Variants in ZNF536 observed in about 807,000 individuals in gnomAD.
ZNF536 encodes zinc finger protein 536.
A neutral mutation model predicts 84.5 loss-of-function variants in ZNF536; 13 were observed. The observed-to-expected ratio is 0.15, with a 90% CI of 0.10 to 0.24. The LOEUF (loss-of-function observed/expected upper bound fraction) is 0.24, where lower values mean the gene tolerates loss of function less well. ZNF536 is among the 10% of genes least tolerant of loss of function. ZNF536 has a pLI of 1.00. For synonymous variants in ZNF536, 811 were observed against 742.5 expected (o/e 1.09, Z -1.50); for missense variants, 1,536 against 1,747.5 (o/e 0.88, Z 2.16).
intron 1 of ZNF536, among the ~76,000 whole-genome samples, chr19:30,400,932 C>T (rs2050021174): frequency 6.6e-6 from 1 of 152,138 alleles, no homozygotes; most frequent in African/African-American, 2.4e-5. Context: ...GAACCATTTG[C>T]CCAGGACCTA....
intron 1 of ZNF536, among the ~76,000 whole-genome samples, chr19:30,419,301 A>G (rs796263914): frequency 2.6e-5 from 4 of 152,296 alleles, no homozygotes; most frequent in African/African-American, 9.6e-5. Context: ...TGTTTTTCTC[A>G]CTATAAATAG....
chr19:30,558,444 C>G (rs2046045328), downstream of ZNF536, among the ~76,000 whole-genome samples: 1 of 152,142 alleles, frequency 6.6e-6, no homozygotes, highest in Non-Finnish European at 1.5e-5. Flanking sequence ...CCATCATGCC[C>G]CATCCCAGAT....
chr19:30,397,565 A>G (rs535575149), intron 1 of ZNF536, among the ~76,000 whole-genome samples: 1 of 152,334 alleles, frequency 6.6e-6, no homozygotes, highest in East Asian at 1.9e-4. Flanking sequence ...ATCTCAAGAC[A>G]AAAAGCTTAA....
chr19:30,613,976 T>A (rs1333553996), intron 1 of ZNF536, among the ~76,000 whole-genome samples: 7 of 152,140 alleles, frequency 4.6e-5, no homozygotes, highest in Admixed American at 2.6e-4. Flanking sequence ...GATTCTTCTG[T>A]CTCAGCCTCC....
intron 1 of ZNF536, among the ~76,000 whole-genome samples, chr19:30,576,965 T>C (rs1549937): frequency 6.6e-6 from 1 of 152,078 alleles, no homozygotes; most frequent in Non-Finnish European, 1.5e-5. Context: ...TGCCTGGTTT[T>C]ATTTGTTTGG....
At chr19:30,612,933 C>T (rs145408996) in intron 1 of ZNF536, among the ~76,000 whole-genome samples, 2 of 152,236 alleles carry the variant, frequency 1.3e-5, no homozygotes, top group Non-Finnish European at 2.9e-5. Context: ...GCTCCTTAGC[C>T]TCCTCCAACG....
At position 30,605,156 on chromosome 19, in the gene ZNF536, G is replaced by T. The variant is rs906779024; in HGVS notation, c.169+55642G>T. Reference sequence around the variant, plus strand: ...TGCTGTAGGAAGGTAATAGTGGATGGTGCGAAATGCTTTTTTTGTTTGTTT... The same window carrying T: ...TGCTGTAGGAAGGTAATAGTGGATGTTGCGAAATGCTTTTTTTGTTTGTTT... On this transcript the variant is annotated intron_variant, in intron 1 of 1. Coordinates refer to the ZNF536 transcript ENST00000592773. 5.3e-5 allele frequency among the ~76,000 whole-genome samples: 8 copies of T among 152,302 alleles called. No homozygotes were observed. In the East Asian group the frequency reaches 1.5e-3, roughly 29 times the overall value.
chr19:30,609,757 T>TCCACCCACCCATCTAC (rs2048023612), intron 1 of ZNF536, among the ~76,000 whole-genome samples: 2 of 141,448 alleles, frequency 1.4e-5, no homozygotes, highest in Non-Finnish European at 3.0e-5. Flanking sequence ...CATCCACCTA[T>TCCACCCACCCATCTAC]CCATCCACCC....
intron 1 of ZNF536, among the ~76,000 whole-genome samples, chr19:30,251,725 C>T (rs993205862): frequency 1.5e-4 from 23 of 152,066 alleles, no homozygotes; most frequent in Admixed American, 1.2e-3. Context: ...TTTTATTCCT[C>T]ACTCACTTCC....
chr19:30,693,020 G>C (rs1302589342), intron 1 of ZNF536, among the ~76,000 whole-genome samples: 1 of 149,710 alleles, frequency 6.7e-6, no homozygotes, highest in Non-Finnish European at 1.5e-5. Context: ...CAAAACCTGG[G>C]GGGGAGAGAG....
At chr19:30,451,914 A>C (rs978306168) in intron 2 of ZNF536, among the ~76,000 whole-genome samples, 1 of 152,254 alleles carries the variant, frequency 6.6e-6, no homozygotes, top group African/African-American at 2.4e-5. Flanking sequence ...AGCTAAGGAC[A>C]GGTTACAATG....
intron 2 of ZNF536, among the ~76,000 whole-genome samples, chr19:30,339,009 C>T (rs1335242919): frequency 1.3e-5 from 2 of 152,104 alleles, no homozygotes; most frequent in African/African-American, 4.8e-5. Context: ...CTTGGTCCCT[C>T]CTCTTCCTTC....
intron 1 of ZNF536, among the ~76,000 whole-genome samples, chr19:30,589,025 G>A (rs12610312): frequency 0.12 from 18,788 of 152,184 alleles, 1,926 homozygotes; most frequent in East Asian, 0.32. Flanking sequence ...GAGCTGGGGT[G>A]TTTCTGAATG....
intron 1 of ZNF536, among the ~76,000 whole-genome samples, chr19:30,261,661 T>C (rs2025226903): frequency 7.3e-6 from 1 of 136,384 alleles, no homozygotes; most frequent in Non-Finnish European, 1.5e-5. Flanking sequence ...ATCGCACCAC[T>C]GCACTCCAGC....
intron 1 of ZNF536, among the ~76,000 whole-genome samples, chr19:30,709,560 C>A (rs1662012192): frequency 1.3e-5 from 2 of 152,206 alleles, no homozygotes; most frequent in African/African-American, 4.8e-5. Flanking sequence ...GGTCTTTGTG[C>A]AGAATTGGGG....
chr19:30,238,987 A>G (rs957535961), intron 1 of ZNF536, among the ~76,000 whole-genome samples: 1 of 152,194 alleles, frequency 6.6e-6, no homozygotes, highest in South Asian at 2.1e-4. Context: ...ATTCAAGAAG[A>G]GTCACCCAAG....
intron 2 of ZNF536, among the ~76,000 whole-genome samples, chr19:30,299,258 A>G (rs2046102729): frequency 6.6e-6 from 1 of 152,248 alleles, no homozygotes; most frequent in Non-Finnish European, 1.5e-5. Flanking sequence ...TAAATAAGCA[A>G]CATCTGGACA....
intron 2 of ZNF536, among the ~76,000 whole-genome samples, chr19:30,487,456 G>C (rs1034599008): frequency 6.6e-6 from 1 of 152,082 alleles, no homozygotes; most frequent in Non-Finnish European, 1.5e-5. Context: ...AGCAATGGGA[G>C]GGAGAAATGC....
At chr19:30,410,424 A>T (rs2050431107) in intron 1 of ZNF536, among the ~76,000 whole-genome samples, 1 of 151,758 alleles carries the variant, frequency 6.6e-6, no homozygotes, top group Admixed American at 6.6e-5. Context: ...AAATAACTTT[A>T]AAAAATTATT....
Sources: gnomAD v4.1 joint callset for allele counts (sites outside exome capture counted in the v4.1 genomes callset) on GRCh38, gnomAD v4.1.1 for gene constraint, MANE v1.5 for transcripts, NCBI Gene and HGNC (gene_info 2026-07-23, HGNC 2026-07-21) for gene names.